TMEM164: variants seen among roughly 807,000 people sequenced by gnomAD.
TMEM164 encodes RP13-360B22.2.
TMEM164 carries 4 observed loss-of-function variants against 18.8 expected under a neutral mutation model. The ratio of observed to expected loss-of-function variants is 0.21; its 90% confidence interval spans 0.10 to 0.49. The LOEUF (loss-of-function observed/expected upper bound fraction) is 0.49, where lower values mean the gene tolerates loss of function less well. Among genes scored for constraint, TMEM164 ranks in the 20% least tolerant of loss-of-function variants. The pLI is 0.98. For synonymous variants in TMEM164, 86 were observed against 101.7 expected (o/e 0.85, Z 0.93); for missense variants, 108 against 239.9 (o/e 0.45, Z 3.63).
intron 5 of TMEM164, among the ~76,000 whole-genome samples, chrX:110,146,987 C>T (rs748076087): frequency 1.8e-5 from 2 of 112,436 alleles, no homozygotes; most frequent in African/African-American, 6.5e-5. Flanking sequence ...AGACAGCTCT[C>T]CTATAGGTAT....
chrX:110,154,268 A>G (rs183684679), intron 5 of TMEM164, among the ~76,000 whole-genome samples: 197 of 112,148 alleles, frequency 1.8e-3, no homozygotes, highest in African/African-American at 6.2e-3. Flanking sequence ...TTTGATAACT[A>G]TAGTTCAACA....
intron 3 of TMEM164, among the ~76,000 whole-genome samples, chrX:110,078,312 C>G (rs2065702059): frequency 9.0e-6 from 1 of 111,640 alleles, no homozygotes; most frequent in Non-Finnish European, 1.9e-5. Flanking sequence ...TCCACCAGTT[C>G]TGTTTGGCTC....
intron 3 of TMEM164, among the ~76,000 whole-genome samples, chrX:110,092,751 A>G (rs1246025444): frequency 3.6e-5 from 4 of 111,881 alleles, no homozygotes; most frequent in Non-Finnish European, 7.5e-5. Flanking sequence ...ACTCTGTTGA[A>G]TAGTAGTGGT....
At chrX:110,098,092 C>T (rs1420196471) in intron 3 of TMEM164, among the ~76,000 whole-genome samples, 4 of 112,041 alleles carry the variant, frequency 3.6e-5, no homozygotes, top group Non-Finnish European at 7.5e-5. Flanking sequence ...CCCTGGCAAC[C>T]ACTGACCAGC....
intron 4 of TMEM164, among the ~76,000 whole-genome samples, chrX:110,136,323 G>A (rs887384649): frequency 3.6e-5 from 4 of 110,999 alleles, no homozygotes; most frequent in Non-Finnish European, 3.8e-5. Context: ...GTGGTATTTC[G>A]TCCTAAGGAG....
chrX:110,114,664 T>C (rs955275746), intron 4 of TMEM164, among the ~76,000 whole-genome samples: 2 of 111,607 alleles, frequency 1.8e-5, no homozygotes, highest in Non-Finnish European at 3.8e-5. Flanking sequence ...TGAGAGTTTC[T>C]TCTGAATGCA....
chrX:110,091,336 T>A (rs1375193530), intron 3 of TMEM164, among the ~76,000 whole-genome samples: 4 of 112,006 alleles, frequency 3.6e-5, no homozygotes, highest in Non-Finnish European at 7.5e-5. Flanking sequence ...AGTGTAAAAG[T>A]GTTCCTATTT....
intron 4 of TMEM164, among the ~76,000 whole-genome samples, chrX:110,143,958 G>A (rs1019806254): frequency 1.8e-5 from 2 of 111,867 alleles, no homozygotes; most frequent in African/African-American, 6.5e-5. Flanking sequence ...TCTGCCCGCT[G>A]CGAAGCTCTA....
chrX:110,180,486 C>CA (rs2067319253), downstream of TMEM164, among the ~76,000 whole-genome samples: 1 of 97,781 alleles, frequency 1.0e-5, no homozygotes, highest in African/African-American at 4.9e-5. Flanking sequence ...ACTGCCTGAA[C>CA]CCCCCCGCCC....
intron 6 of TMEM164, among the ~76,000 whole-genome samples, chrX:110,172,377 G>A (rs2067243187): frequency 8.9e-6 from 1 of 112,117 alleles, no homozygotes; most frequent in Admixed American, 9.3e-5. Context: ...CATTAGCCAT[G>A]TGGAGCCTCG....
chrX:110,069,781 T>A (rs1411119309), intron 3 of TMEM164, among the ~76,000 whole-genome samples: 1 of 110,874 alleles, frequency 9.0e-6, no homozygotes, highest in African/African-American at 3.3e-5. Context: ...TATCCAAATA[T>A]GACTCTTTTC....
intron 2 of TMEM164, among the ~76,000 whole-genome samples, chrX:110,031,667 ATTG>A (rs1265736804): frequency 1.8e-5 from 2 of 109,934 alleles, no homozygotes; most frequent in East Asian, 2.8e-4. Flanking sequence ...TTTTTTGCTT[ATTG>A]TTATTATTTT....
At chrX:110,020,583 A>T in intron 2 of TMEM164, 1 of 754,401 alleles carries the variant, frequency 1.3e-6, no homozygotes, top group Non-Finnish European at 1.6e-6. Flanking sequence ...GATCCAGGAG[A>T]GGAAGGAGTT....
intron 4 of TMEM164, among the ~76,000 whole-genome samples, chrX:110,113,009 C>T (rs1377205655): frequency 9.0e-6 from 1 of 110,983 alleles, no homozygotes; most frequent in Non-Finnish European, 1.9e-5. Flanking sequence ...TGTTTCTTCC[C>T]CTCACCCTGC....
intron 5 of TMEM164, among the ~76,000 whole-genome samples, chrX:110,156,375 C>T (rs977466723): frequency 3.6e-5 from 4 of 111,830 alleles, no homozygotes; most frequent in Non-Finnish European, 5.6e-5. Flanking sequence ...CACATCTTTT[C>T]GGGAGATTAA....
intron 4 of TMEM164, among the ~76,000 whole-genome samples, chrX:110,136,515 G>A (rs1482519413): frequency 8.9e-6 from 1 of 111,905 alleles, no homozygotes; most frequent in Non-Finnish European, 1.9e-5. Context: ...TTGAGAGGCT[G>A]TAGTCTAGGG....
At chrX:110,024,991 GGTGTGTGTGT>G (rs3082762) in intron 2 of TMEM164, among the ~76,000 whole-genome samples, 26 of 100,204 alleles carry the variant, frequency 2.6e-4, no homozygotes, top group Non-Finnish European at 4.7e-4. Context: ...GTTATTGTTG[GGTGTGTGTGT>G]GTGTGTGTGT....
intron 2 of TMEM164, among the ~76,000 whole-genome samples, chrX:110,055,103 C>T (rs1477114124): frequency 9.0e-6 from 1 of 111,586 alleles, no homozygotes; most frequent in Non-Finnish European, 1.9e-5. Flanking sequence ...GTTCTCTCTC[C>T]ACTGCTGGAG....
intron 2 of TMEM164, among the ~76,000 whole-genome samples, chrX:110,040,146 A>T (rs1935026718): frequency 8.9e-6 from 1 of 112,425 alleles, no homozygotes; most frequent in African/African-American, 3.2e-5. Flanking sequence ...TGTTAGAATG[A>T]GAAGATACTC....
Sources: gnomAD v4.1 joint callset for allele counts (sites outside exome capture counted in the v4.1 genomes callset) on GRCh38, gnomAD v4.1.1 for gene constraint, MANE v1.5 for transcripts, NCBI Gene and HGNC (gene_info 2026-07-23, HGNC 2026-07-21) for gene names.